Variants in SLC24A3 observed in about 807,000 individuals in gnomAD.
SLC24A3 encodes solute carrier family 24 member 3.
In SLC24A3, 28 loss-of-function variants were observed where a neutral mutation model predicts 75.8. The observed-to-expected ratio is 0.37, with a 90% confidence interval of 0.27 to 0.51. SLC24A3 has a LOEUF of 0.51. Ranked by LOEUF, SLC24A3 falls within the 20% of genes least tolerant of loss-of-function variation. The pLI is 0.94. For synonymous variants in SLC24A3, 372 were observed against 334.1 expected (o/e 1.11, Z -1.24); for missense variants, 663 against 847.8 (o/e 0.78, Z 2.71).
chr20:19,320,578 C>T (rs1171013494), intron 2 of SLC24A3, among the ~76,000 whole-genome samples: 1 of 152,086 alleles, frequency 6.6e-6, no homozygotes, highest in Non-Finnish European at 1.5e-5. Flanking sequence ...ATTATGGACA[C>T]ACACATGCAT....
chr20:19,533,115 G>A (rs1010431916), intron 3 of SLC24A3, among the ~76,000 whole-genome samples: 1 of 152,174 alleles, frequency 6.6e-6, no homozygotes, highest in Non-Finnish European at 1.5e-5. Flanking sequence ...TGGGTCTATC[G>A]GTTGACTGCA....
intron 2 of SLC24A3, among the ~76,000 whole-genome samples, chr20:19,448,891 T>A (rs888914666): frequency 1.8e-4 from 27 of 152,168 alleles, no homozygotes; most frequent in Non-Finnish European, 5.9e-5. Flanking sequence ...TGTAAAGCCA[T>A]TTTCTCCTCT....
chr20:19,585,404 C>T, intron 5 of SLC24A3, 37 bp from the exon 6 acceptor site: 3 of 1,598,394 alleles, frequency 1.9e-6, no homozygotes, highest in South Asian at 1.1e-5. Context: ...TGCAACAGGG[C>T]CACAACAGCC....
In SLC24A3 at chr20:19,721,439, T is replaced by C; in HGVS notation, c.*299T>C. ...CTGAGATTCTAGAAAAACTGGCTGC[T>C]AACTGGCCTGAGCCAGGCAACACTG... On this transcript the variant is annotated 3_prime_UTR_variant, in exon 17 of 17. Coordinates refer to ENST00000328041, the MANE Select transcript of SLC24A3 (RefSeq NM_020689.4). The C allele has an allele frequency of 6.0e-6, 2 of 331,926 alleles. No individual in the cohort carries two copies. Among genetic ancestry groups the C allele is most frequent in the Non-Finnish European group, 1.1e-5 (2 of 181,404 alleles). 20.6% of individuals were successfully genotyped at this position (331,926 alleles called of 1,614,324 possible). A position where few individuals can be genotyped will look rare whatever the true frequency, so the allele number is the denominator to read the frequency against.
intron 3 of SLC24A3, among the ~76,000 whole-genome samples, chr20:19,536,675 G>A (rs2122582125): frequency 6.6e-6 from 1 of 152,266 alleles, no homozygotes; most frequent in Non-Finnish European, 1.5e-5. Flanking sequence ...TACCAAAACA[G>A]AGATATAGAC....
chr20:19,302,079 C>G (rs930930349), intron 2 of SLC24A3, among the ~76,000 whole-genome samples: 12 of 152,170 alleles, frequency 7.9e-5, no homozygotes, highest in Non-Finnish European at 1.8e-4. Context: ...CCAGGAACAC[C>G]CAGAAAGGGT....
intron 4 of SLC24A3, among the ~76,000 whole-genome samples, chr20:19,582,564 G>A (rs6075536): frequency 2.0e-5 from 3 of 152,068 alleles, no homozygotes; most frequent in African/African-American, 4.8e-5. Context: ...CGAAACTGGG[G>A]TCAGGCAGGC....
chr20:19,506,132 CT>C (rs1239066074), intron 2 of SLC24A3, among the ~76,000 whole-genome samples: 2 of 152,210 alleles, frequency 1.3e-5, no homozygotes, highest in Non-Finnish European at 2.9e-5. Context: ...AGCCACAGAA[CT>C]TATGAGTGGT....
chr20:19,635,683 C>A (rs976265860), intron 6 of SLC24A3, among the ~76,000 whole-genome samples: 1 of 152,156 alleles, frequency 6.6e-6, no homozygotes, highest in Admixed American at 6.5e-5. Context: ...TGTTTGGCAC[C>A]TGGATTGGGG....
intron 3 of SLC24A3, among the ~76,000 whole-genome samples, chr20:19,577,116 G>T (rs533859961): frequency 1.2e-3 from 181 of 151,578 alleles, no homozygotes; most frequent in Non-Finnish European, 2.9e-4. Context: ...GTGCAGTGGC[G>T]CGATCTCGGC....
At chr20:19,559,933 AC>A (rs1469066148) in intron 3 of SLC24A3, among the ~76,000 whole-genome samples, 1 of 151,982 alleles carries the variant, frequency 6.6e-6, no homozygotes, top group Non-Finnish European at 1.5e-5. Context: ...AATAATAAAA[AC>A]CCTGACATGT....
intron 1 of SLC24A3, among the ~76,000 whole-genome samples, chr20:19,278,118 G>T (rs1224677145): frequency 6.6e-6 from 1 of 152,188 alleles, no homozygotes; most frequent in Admixed American, 6.5e-5. Context: ...CTTTTTCTGG[G>T]CATCACCTTG....
chr20:19,546,868 C>A (rs1407355798), intron 3 of SLC24A3, among the ~76,000 whole-genome samples: 1 of 152,184 alleles, frequency 6.6e-6, no homozygotes, highest in East Asian at 1.9e-4. Flanking sequence ...ATCCCCCACG[C>A]CTTCCCTTTC....
chr20:19,408,445 A>G (rs1164721058), intron 2 of SLC24A3, among the ~76,000 whole-genome samples: 1 of 147,828 alleles, frequency 6.8e-6, no homozygotes, highest in Non-Finnish European at 1.5e-5. Flanking sequence ...CCTGGAGTGC[A>G]GTGGCATAAT....
chr20:19,467,085 G>A (rs1180625496), intron 2 of SLC24A3, among the ~76,000 whole-genome samples: 1 of 152,200 alleles, frequency 6.6e-6, no homozygotes, highest in Non-Finnish European at 1.5e-5. Context: ...GCACAGCAGT[G>A]ACATGAGCTT....
At position 19,486,939 on chromosome 20, in the gene SLC24A3, T is replaced by C. The variant is rs140109581; in HGVS notation, c.272-28549T>C. On this transcript the variant is annotated intron_variant, in intron 2 of 16. Coordinates refer to ENST00000328041, the MANE Select transcript of SLC24A3 (RefSeq NM_020689.4). ...CTTTGGTCAAGTTCTGTCTTTGCCA[T>C]GGAGCCCTGCTTCTCTGGAGGGCAG... Among the ~76,000 whole-genome samples, 3 of 152,322 alleles carry C rather than the reference T, an allele frequency of 2.0e-5. No homozygotes were observed. The East Asian group carries it at 5.8e-4, about 29-fold the overall frequency.
rs141417042 is a variant in SLC24A3 at position 19,357,944 on chromosome 20, G to A, written c.271+76857G>A. Among the ~76,000 whole-genome samples, 40 of 152,276 alleles carry A rather than the reference G, an allele frequency of 2.6e-4. 1 individual carries two copies. The East Asian group carries it at 7.5e-3, about 29-fold the overall frequency. Reference sequence around the variant, plus strand: ...TTGATATTGAGTTTTTGTAGATATCGACTTCTCTGTTGCTAACCTGTGCTT... The same window carrying A: ...TTGATATTGAGTTTTTGTAGATATCAACTTCTCTGTTGCTAACCTGTGCTT... On this transcript the variant is annotated intron_variant, in intron 2 of 16. Coordinates refer to ENST00000328041, the MANE Select transcript of SLC24A3 (RefSeq NM_020689.4).
intron 2 of SLC24A3, among the ~76,000 whole-genome samples, chr20:19,319,141 CTCTGTTTCCTTTAGGGAAGTA>C (rs1333661835): frequency 1.3e-5 from 2 of 152,174 alleles, no homozygotes; most frequent in Non-Finnish European, 2.9e-5. Context: ...CAGGGTGAGG[CTCTGTTTCCTTTAGGGAAGTA>C]GAAATAGAAG....
intron 2 of SLC24A3, among the ~76,000 whole-genome samples, chr20:19,458,562 C>A (rs1157550882): frequency 6.6e-6 from 1 of 152,208 alleles, no homozygotes; most frequent in Non-Finnish European, 1.5e-5. Flanking sequence ...CTGGCAACCA[C>A]CATTCCATTT....
Sources: allele counts gnomAD v4.1 joint callset (sites outside exome capture counted in the v4.1 genomes callset), GRCh38; gene constraint gnomAD v4.1.1; transcripts MANE v1.5; gene names NCBI Gene and HGNC (gene_info 2026-07-23, HGNC 2026-07-21).